The following CHN2 variants were observed in gnomAD, a reference collection of about 807,000 sequenced individuals.
The protein encoded by CHN2 is beta-chimaerin.
Under a neutral mutation model 56.3 loss-of-function variants are expected in CHN2, and 35 were observed. The observed-to-expected ratio is 0.62, with a 90% CI of 0.47 to 0.82. CHN2 has a LOEUF of 0.82. CHN2 is among the 40% of genes least tolerant of loss of function. CHN2 has a pLI of 0.00. For synonymous variants in CHN2, 210 were observed against 212.8 expected, an observed-to-expected ratio of 0.99 and a Z score of 0.12; for missense variants, 491 against 580.5, an observed-to-expected ratio of 0.85 and a Z score of 1.58.
At chr7:29,383,891 C>T (rs1407291229) in intron 3 of CHN2, among the ~76,000 whole-genome samples, 2 of 152,068 alleles carry the variant, frequency 1.3e-5, no homozygotes, top group African/African-American at 4.8e-5. Context: ...TATAGGGAGA[C>T]CAGTAAAGAG....
At chr7:29,384,509 C>G (rs1208585350) in intron 3 of CHN2, among the ~76,000 whole-genome samples, 1 of 152,172 alleles carries the variant, frequency 6.6e-6, no homozygotes, top group Non-Finnish European at 1.5e-5. Flanking sequence ...TCCTCCTCTG[C>G]TCCTCCTGGC....
Position 29,336,112 on chromosome 7 carries a change from A to T in CHN2, c.50-18513A>T, listed in dbSNP as rs1339300193. ...AGAGCTAATGGGCCGTTTGCCTACA[A>T]GAGAAGGTGGGACAGCAGATTCCTC... On this transcript the variant is annotated intron_variant, in intron 1 of 12. Transcript: ENST00000222792. The T allele has an allele frequency of 3.9e-5, 6 of 152,192 alleles. No homozygotes were observed. In the East Asian group the frequency reaches 1.2e-3, roughly 29 times the overall value. The allele number at this position is 152,192 out of a possible 1,614,324, so 9.4% of individuals were successfully genotyped here. A position where few individuals can be genotyped will look rare whatever the true frequency, so the allele number is the denominator to read the frequency against.
chr7:29,164,309 A>C (rs1197574694), intron 2 of CHN2, among the ~76,000 whole-genome samples: 3 of 152,026 alleles, frequency 2.0e-5, no homozygotes, highest in African/African-American at 7.2e-5. Context: ...TAAAATGTCT[A>C]TTTGATTTTT....
rs140083937 is a variant in CHN2, at chr7:29,146,877, T to G, written c.191T>G (p.Phe64Cys). 1.5e-3 allele frequency: 2,307 copies of G among 1,551,188 alleles called. 3 individuals are homozygous for G. The highest frequency in any genetic ancestry group is 1.8e-3 in the Non-Finnish European group (2,090 of 1,147,130). Residue 64 changes from phenylalanine (F) to cysteine (C), a missense_variant, in exon 2 of 7, where the codon TTT becomes TGT. Phe to Cys is a radical substitution (Grantham distance 205). Coordinates refer to the CHN2 transcript ENST00000439384. ...TTACTTGCAAGCCCAGGATTTACATTTGGAAAGCGAGTGGTGTTTGATTCC... is the reference window on the plus strand; with the variant it reads ...TTACTTGCAAGCCCAGGATTTACATGTGGAAAGCGAGTGGTGTTTGATTCC...
chr7:29,347,376 T>G (rs1797530071), intron 1 of CHN2, among the ~76,000 whole-genome samples: 1 of 152,182 alleles, frequency 6.6e-6, no homozygotes, highest in African/African-American at 2.4e-5. Context: ...CTATAAAGAA[T>G]GCCTGAGACT....
chr7:29,384,850 G>C (rs1428435475), intron 3 of CHN2, among the ~76,000 whole-genome samples: 1 of 152,184 alleles, frequency 6.6e-6, no homozygotes, highest in Non-Finnish European at 1.5e-5. Context: ...AAAGCTGTGA[G>C]TGGTGGAAGT....
At chr7:29,195,213 C>A in intron 1 of CHN2, 1 of 470,514 alleles carries the variant, frequency 2.1e-6, no homozygotes, top group Non-Finnish European at 3.7e-6. Flanking sequence ...AGCGGTGGTG[C>A]CCTTAGTGTG....
intron 1 of CHN2, among the ~76,000 whole-genome samples, chr7:29,299,618 C>A (rs1338383679): frequency 2.1e-5 from 3 of 141,724 alleles, no homozygotes; most frequent in South Asian, 4.3e-4. Flanking sequence ...GAAAGCACAA[C>A]ATGGATGTAA....
intron 6 of CHN2, among the ~76,000 whole-genome samples, chr7:29,439,750 G>A (rs1040730631): frequency 3.9e-5 from 6 of 152,174 alleles, no homozygotes; most frequent in African/African-American, 1.4e-4. Flanking sequence ...TTTCTTGATT[G>A]AATAAATGAC....
chr7:29,494,953 A>AAAAAAAAAAAAAAAAAC (rs1789098355), intron 7 of CHN2, among the ~76,000 whole-genome samples: 1 of 72,200 alleles, frequency 1.4e-5, no homozygotes, highest in Non-Finnish European at 3.0e-5. Flanking sequence ...CAGTTTGTAA[A>AAAAAAAAAAAAAAAAAC]AAAAAAAAAA....
At chr7:29,320,771 C>T (rs1257231181) in intron 1 of CHN2, among the ~76,000 whole-genome samples, 2 of 152,124 alleles carry the variant, frequency 1.3e-5, no homozygotes, top group Non-Finnish European at 2.9e-5. Context: ...GATGAGGGAA[C>T]ATCTTTTTCT....
intron 1 of CHN2, among the ~76,000 whole-genome samples, chr7:29,346,741 C>T (rs1164621874): frequency 6.6e-6 from 1 of 152,182 alleles, no homozygotes; most frequent in African/African-American, 2.4e-5. Context: ...GTCGAGTCAT[C>T]CTCCACTGAG....
rs60474405 is a variant in CHN2 at position 29,220,280 on chromosome 7, AAGAG to A, written c.49+25308_49+25311del. Among the ~76,000 whole-genome samples, 599 of 138,164 alleles carry A rather than the reference AAGAG, an allele frequency of 4.3e-3. 3 individuals are homozygous for A. The highest frequency in any genetic ancestry group is 0.015 in the African/African-American group (566 of 36,958). The allele number at this position is 138,164 out of a possible 152,430, so 90.6% of individuals were successfully genotyped here. ...GGGAGACCCTGTCTTAAAAAAAAAA[AAGAG>A]AGAGAGAGAGAGAGAGAAAGCCAAA... On this transcript the variant is annotated intron_variant, in intron 1 of 12. Transcript: ENST00000222792.
rs189198251 is a variant in CHN2 at position 29,422,753 on chromosome 7, G to A, written c.576+21925G>A. Among the ~76,000 whole-genome samples the A allele has an allele frequency of 1.7e-3, 266 of 152,258 alleles. 1 individual carries two copies. Among genetic ancestry groups the A allele is most frequent in the African/African-American group, 6.2e-3 (258 of 41,544 alleles). ...AAGCTAACCAGGTTTCTTTTTCATA[G>A]GACTTCTCGGTGGGCTAGCTTACCC... On this transcript the variant is annotated intron_variant, in intron 6 of 12. Transcript: ENST00000222792.
chr7:29,211,225 C>T (rs774225132), intron 1 of CHN2, among the ~76,000 whole-genome samples: 15 of 151,456 alleles, frequency 9.9e-5, no homozygotes, highest in Non-Finnish European at 1.9e-4. Flanking sequence ...CGCCTGCCAC[C>T]ATGCCCAGCT....
intron 6 of CHN2, among the ~76,000 whole-genome samples, chr7:29,412,418 A>T (rs933257642): frequency 7.6e-6 from 1 of 132,296 alleles, no homozygotes; most frequent in Non-Finnish European, 1.5e-5. Flanking sequence ...TGCAACCTTC[A>T]TCTCCCGGGT....
At chr7:29,476,889 T>G (rs1326607301) in intron 6 of CHN2, among the ~76,000 whole-genome samples, 1 of 152,072 alleles carries the variant, frequency 6.6e-6, no homozygotes, top group Non-Finnish European at 1.5e-5. Flanking sequence ...AAACAGAGCA[T>G]GTAGGGAAAT....
At chr7:29,413,203 C>T (rs1460751273) in intron 6 of CHN2, among the ~76,000 whole-genome samples, 1 of 152,148 alleles carries the variant, frequency 6.6e-6, no homozygotes, top group Non-Finnish European at 1.5e-5. Flanking sequence ...TTAATGAAGT[C>T]CAAGTATCAG....
chr7:29,239,618 G>C (rs1451238174), intron 1 of CHN2, among the ~76,000 whole-genome samples: 1 of 152,154 alleles, frequency 6.6e-6, no homozygotes, highest in Non-Finnish European at 1.5e-5. Context: ...CTTGGCCTAA[G>C]TCTCAAAGTT....
Sources: allele counts gnomAD v4.1 joint callset (sites outside exome capture counted in the v4.1 genomes callset), GRCh38; gene constraint gnomAD v4.1.1; transcripts MANE v1.5; gene names NCBI Gene and HGNC (gene_info 2026-07-23, HGNC 2026-07-21).